SPIDR: variants seen among roughly 807,000 people sequenced by gnomAD.
SPIDR encodes DNA repair-scaffolding protein.
SPIDR carries 93 observed loss-of-function variants against 104.6 expected under a neutral mutation model. The observed-to-expected ratio is 0.89, with a 90% confidence interval of 0.75 to 1.06. SPIDR has a LOEUF of 1.06. SPIDR is among the 50% of genes least tolerant of loss of function. The probability of loss-of-function intolerance (pLI) is 0.00; values close to 1 mark genes in which losing one functional copy is unlikely to be tolerated. For synonymous variants in SPIDR, 431 were observed against 416.9 expected (o/e 1.03, Z -0.41); for missense variants, 1,154 against 1,111.2 (o/e 1.04, Z -0.55).
At chr8:47,723,517 C>G (rs1412119036) in intron 16 of SPIDR, among the ~76,000 whole-genome samples, 1 of 151,410 alleles carries the variant, frequency 6.6e-6, no homozygotes, top group Non-Finnish European at 1.5e-5. Context: ...GCAAGCTCCG[C>G]CTCCCGGGTT....
chr8:47,541,098 G>A lies in SPIDR; in HGVS notation c.1098-54713G>A, dbSNP rs543690029. Reference sequence around the variant, plus strand: ...TGGTCTTGAACTCCTGACCTCAAGTGGTCCGCCTTCCTCGGCCTCCCAAAA... The same window carrying A: ...TGGTCTTGAACTCCTGACCTCAAGTAGTCCGCCTTCCTCGGCCTCCCAAAA... On this transcript the variant is annotated intron_variant, in intron 8 of 19. Coordinates refer to ENST00000297423, the MANE Select transcript of SPIDR (RefSeq NM_001080394.4). Among the ~76,000 whole-genome samples the A allele has an allele frequency of 5.8e-4, 88 of 152,272 alleles. 1 individual carries two copies. Among genetic ancestry groups the A allele is most frequent in the Admixed American group, 1.5e-3 (23 of 15,290 alleles).
At chr8:47,343,754 C>T (rs1412963019) in intron 5 of SPIDR, among the ~76,000 whole-genome samples, 1 of 152,124 alleles carries the variant, frequency 6.6e-6, no homozygotes, top group East Asian at 1.9e-4. Flanking sequence ...TCCTGCCAGT[C>T]CTTCCCTTTC....
chr8:47,371,906 T>A (rs764188147), intron 5 of SPIDR, among the ~76,000 whole-genome samples: 2 of 152,204 alleles, frequency 1.3e-5, no homozygotes, highest in Non-Finnish European at 2.9e-5. Context: ...GTCCCCTGGT[T>A]CTGCCGTATT....
intron 3 of SPIDR, among the ~76,000 whole-genome samples, chr8:47,286,436 G>A (rs2038865445): frequency 2.0e-5 from 3 of 152,266 alleles, no homozygotes; most frequent in Admixed American, 2.0e-4. Context: ...AAGTCTGATA[G>A]GGTGGCATAC....
intron 8 of SPIDR, among the ~76,000 whole-genome samples, chr8:47,461,519 C>T (rs1554713476): frequency 6.6e-6 from 1 of 152,156 alleles, no homozygotes; most frequent in Admixed American, 6.5e-5. Flanking sequence ...ACCATGTTGA[C>T]CAAGATGGTC....
intron 9 of SPIDR, 76 bp from the exon 10 acceptor site, chr8:47,598,870 G>A: frequency 6.4e-7 from 1 of 1,570,122 alleles, no homozygotes; most frequent in Admixed American, 1.7e-5. Flanking sequence ...TATTTGGTGT[G>A]CAGCATGTTG....
At chr8:47,453,701 A>T (rs1554707812) in intron 8 of SPIDR, among the ~76,000 whole-genome samples, 2 of 152,208 alleles carry the variant, frequency 1.3e-5, no homozygotes, top group Admixed American at 6.5e-5. Context: ...TTATACAAAA[A>T]TAAATTCAAG....
intron 5 of SPIDR, among the ~76,000 whole-genome samples, chr8:47,351,330 A>G (rs938031643): frequency 9.2e-5 from 14 of 152,138 alleles, no homozygotes; most frequent in African/African-American, 2.9e-4. Context: ...AGAATTGATT[A>G]TTATTTTGAG....
At chr8:47,613,662 T>C (rs2063888205) in intron 10 of SPIDR, among the ~76,000 whole-genome samples, 2 of 152,204 alleles carry the variant, frequency 1.3e-5, no homozygotes, top group South Asian at 4.1e-4. Context: ...ATTTTCTTTT[T>C]GTAACAATAA....
intron 6 of SPIDR, among the ~76,000 whole-genome samples, chr8:47,404,292 A>G (rs2062379279): frequency 6.6e-6 from 1 of 152,254 alleles, no homozygotes; most frequent in Non-Finnish European, 1.5e-5. Flanking sequence ...AGGCAAGGGC[A>G]AGGACTTTAT....
chr8:47,349,799 G>A (rs1342200664), intron 5 of SPIDR, among the ~76,000 whole-genome samples: 1 of 152,246 alleles, frequency 6.6e-6, no homozygotes, highest in Non-Finnish European at 1.5e-5. Context: ...TAATGTCCTG[G>A]TGTGCTGTTT....
rs2069188740 is a variant in SPIDR, at chr8:47,440,420, C to T, written c.975C>T (p.Ala325=). The part of the protein sequence containing the change: ...AMCEQLLGSP[A]TSSSQSVAPR... Reference sequence around the variant, plus strand: ...GTGAGCAGTTATTGGGGTCACCAGCCACCAGCTCCTCCCAAAGTGTGGCTC... The same window carrying T: ...GTGAGCAGTTATTGGGGTCACCAGCTACCAGCTCCTCCCAAAGTGTGGCTC... The change falls in exon 8 of 20, where the codon GCC becomes GCT. Residue 325 remains alanine, a synonymous_variant. Coordinates refer to ENST00000297423, the MANE Select transcript of SPIDR (RefSeq NM_001080394.4). 2 of 1,614,098 alleles carry T rather than the reference C, an allele frequency of 1.2e-6. No individual in the cohort carries two copies. The highest frequency in any genetic ancestry group is 2.7e-5 in the African/African-American group (2 of 74,930).
chr8:47,306,876 C>CT (rs2043174334), intron 5 of SPIDR, among the ~76,000 whole-genome samples: 1 of 152,006 alleles, frequency 6.6e-6, no homozygotes, highest in Non-Finnish European at 1.5e-5. Flanking sequence ...TTGATTTAGA[C>CT]TGTTTTCTCT....
At chr8:47,682,779 G>T (rs1232375820) in intron 11 of SPIDR, among the ~76,000 whole-genome samples, 1 of 152,108 alleles carries the variant, frequency 6.6e-6, no homozygotes, top group Non-Finnish European at 1.5e-5. Flanking sequence ...ATTAACCTTG[G>T]CCAGTAAGGG....
chr8:47,484,393 G>T (rs1554729270), intron 8 of SPIDR, among the ~76,000 whole-genome samples: 1 of 152,232 alleles, frequency 6.6e-6, no homozygotes, highest in Non-Finnish European at 1.5e-5. Context: ...TCTCACCTAG[G>T]GTGGGCTCAG....
chr8:47,665,270 G>T lies in SPIDR; in HGVS notation c.1545-8531G>T, dbSNP rs78503035. Among the ~76,000 whole-genome samples the T allele has an allele frequency of 4.6e-3, 706 of 152,282 alleles. 2 individuals carry two copies. The highest frequency in any genetic ancestry group is 8.0e-3 in the Non-Finnish European group (542 of 68,016). ...TGACTTCTCATCAGAAACAATGGAGGCCAGAAGGCACTGGGATATATCTTC... is the reference window on the plus strand; with the variant it reads ...TGACTTCTCATCAGAAACAATGGAGTCCAGAAGGCACTGGGATATATCTTC... On this transcript the variant is annotated intron_variant, in intron 10 of 19. Coordinates refer to ENST00000297423, the MANE Select transcript of SPIDR (RefSeq NM_001080394.4).
chr8:47,440,171 G>A, intron 7 of SPIDR, 152 bp from the exon 8 acceptor site: 1 of 633,156 alleles, frequency 1.6e-6, no homozygotes, highest in Non-Finnish European at 2.8e-6. Context: ...GCATCGTAGT[G>A]TCTCTGTTTT....
intron 17 of SPIDR, 171 bp from the exon 18 acceptor site, chr8:47,728,762 G>A (rs1589597191): frequency 1.5e-6 from 1 of 658,822 alleles, no homozygotes; most frequent in Non-Finnish European, 2.5e-6. Flanking sequence ...TTCATCCCTT[G>A]GACAGGCTGA....
At chr8:47,467,500 A>G (rs1469189334) in intron 8 of SPIDR, among the ~76,000 whole-genome samples, 1 of 152,154 alleles carries the variant, frequency 6.6e-6, no homozygotes, top group African/African-American at 2.4e-5. Flanking sequence ...ACACATCAAA[A>G]AGCTTATCCA....
Sources: gnomAD v4.1 joint callset for allele counts (sites outside exome capture counted in the v4.1 genomes callset) on GRCh38, gnomAD v4.1.1 for gene constraint, MANE v1.5 for transcripts, NCBI Gene and HGNC (gene_info 2026-07-23, HGNC 2026-07-21) for gene names.